The following SOX6 variants were observed in gnomAD, a reference collection of about 807,000 sequenced individuals.
The protein encoded by SOX6 is SRY-box transcription factor 6.
Under a neutral mutation model 97.8 loss-of-function variants are expected in SOX6, and 11 were observed. That is an observed-to-expected ratio of 0.11 (90% CI 0.07 to 0.19). The LOEUF (loss-of-function observed/expected upper bound fraction) is 0.19, where lower values mean the gene tolerates loss of function less well. SOX6 is among the 10% of genes least tolerant of loss of function. The probability of loss-of-function intolerance (pLI) is 1.00; values close to 1 mark genes in which losing one functional copy is unlikely to be tolerated. For missense variants in SOX6, 810 were observed against 1,039.5 expected, an observed-to-expected ratio of 0.78 and a Z score of 3.04; for synonymous variants, 360 against 371.4, an observed-to-expected ratio of 0.97 and a Z score of 0.35.
chr11:15,989,945 C>T (rs1230555231), intron 13 of SOX6, among the ~76,000 whole-genome samples: 1 of 152,078 alleles, frequency 6.6e-6, no homozygotes, highest in Non-Finnish European at 1.5e-5. Flanking sequence ...ATAGAATGGT[C>T]AGCTAGTGCT....
intron 4 of SOX6, among the ~76,000 whole-genome samples, chr11:16,201,107 C>T (rs1439567432): frequency 6.7e-6 from 1 of 148,878 alleles, no homozygotes. Context: ...CAGAGTGAGA[C>T]TCCGTCTCAA....
At chr11:16,481,678 T>C (rs1860345896) in intron 4 of SOX6, among the ~76,000 whole-genome samples, 1 of 152,132 alleles carries the variant, frequency 6.6e-6, no homozygotes, top group Non-Finnish European at 1.5e-5. Flanking sequence ...ATGGAAACCA[T>C]GTTACAATAG....
chr11:16,717,688 T>C (rs1428119298), intron 2 of SOX6, among the ~76,000 whole-genome samples: 2 of 152,156 alleles, frequency 1.3e-5, no homozygotes, highest in African/African-American at 2.4e-5. Flanking sequence ...CTCTTTCTCT[T>C]ACTTTTTGCA....
At chr11:16,738,400 G>C (rs138982129) in intron 1 of SOX6, 2 of 276,012 alleles carry the variant, frequency 7.2e-6, no homozygotes, top group Non-Finnish European at 1.4e-5. Flanking sequence ...CTCCTGTGGC[G>C]ACAAAGCTCT....
intron 1 of SOX6, among the ~76,000 whole-genome samples, chr11:16,411,865 T>C (rs1057232651): frequency 6.6e-6 from 1 of 152,184 alleles, no homozygotes; most frequent in Non-Finnish European, 1.5e-5. Context: ...GAGCTTTAAT[T>C]TGAAGCAAAT....
intron 2 of SOX6, among the ~76,000 whole-genome samples, chr11:16,327,284 A>T (rs980280285): frequency 1.3e-5 from 2 of 152,200 alleles, no homozygotes; most frequent in Non-Finnish European, 2.9e-5. Flanking sequence ...AATGCCTAGC[A>T]TATAAGTACT....
chr11:16,327,046 G>A (rs1402225738), intron 2 of SOX6, among the ~76,000 whole-genome samples: 1 of 152,140 alleles, frequency 6.6e-6, no homozygotes, highest in Admixed American at 6.5e-5. Context: ...GAGATCCAAA[G>A]GTGCATGTCC....
rs904211035 is a variant in SOX6 at position 16,285,627 on chromosome 11, T to A, written c.445+32819A>T. On this transcript the variant is annotated intron_variant, in intron 3 of 15. Coordinates refer to ENST00000683767, the MANE Select transcript of SOX6 (RefSeq NM_001367873.1). Reference sequence around the variant, plus strand: ...TTCAACATGCCAGTGACTGTCACTGTGCTTAATATGCAACAAGAGCTCAAT... The same window carrying A: ...TTCAACATGCCAGTGACTGTCACTGAGCTTAATATGCAACAAGAGCTCAAT... Among the ~76,000 whole-genome samples, 10 of 152,252 alleles carry A rather than the reference T, an allele frequency of 6.6e-5. No individual in the cohort carries two copies. The East Asian group carries it at 7.7e-4, about 12-fold the overall frequency.
intron 1 of SOX6, among the ~76,000 whole-genome samples, chr11:16,463,842 C>G (rs532974707): frequency 3.2e-4 from 48 of 152,252 alleles, no homozygotes; most frequent in African/African-American, 1.1e-3. Flanking sequence ...TGAGTTTTAT[C>G]TTTTGTGTAG....
chr11:16,112,255 C>T (rs892559152), intron 6 of SOX6, among the ~76,000 whole-genome samples: 1 of 152,124 alleles, frequency 6.6e-6, no homozygotes, highest in African/African-American at 2.4e-5. Context: ...TCCTTTCTAG[C>T]ACTGTACAAT....
At chr11:15,981,073 G>C (rs925130182) in intron 15 of SOX6, among the ~76,000 whole-genome samples, 6 of 152,094 alleles carry the variant, frequency 3.9e-5, no homozygotes, top group Admixed American at 1.3e-4. Flanking sequence ...AACAAAATAA[G>C]AAATCCAGCC....
chr11:16,614,258 T>C (rs1848440624), intron 3 of SOX6, among the ~76,000 whole-genome samples: 1 of 152,126 alleles, frequency 6.6e-6, no homozygotes, highest in Non-Finnish European at 1.5e-5. Flanking sequence ...GGCTCAGAGC[T>C]GACTCCGTAC....
At chr11:16,217,721 C>A (rs1277664169) in intron 4 of SOX6, among the ~76,000 whole-genome samples, 1 of 152,078 alleles carries the variant, frequency 6.6e-6, no homozygotes, top group Non-Finnish European at 1.5e-5. Context: ...GAGCCATGTG[C>A]ATATGTACAG....
At chr11:16,359,275 G>A (rs1857144203), upstream of SOX6, among the ~76,000 whole-genome samples, 1 of 152,014 alleles carries the variant, frequency 6.6e-6, no homozygotes, top group African/African-American at 2.4e-5. Flanking sequence ...ATTCCAAGAA[G>A]AGGAAGAACT....
chr11:16,286,705 A>G (rs921024908), intron 3 of SOX6, among the ~76,000 whole-genome samples: 5 of 152,130 alleles, frequency 3.3e-5, no homozygotes, highest in African/African-American at 9.7e-5. Context: ...CCTATTTTCT[A>G]TCTTCCAATT....
At position 15,969,172 on chromosome 11, in the gene SOX6, G is replaced by A. The variant is rs1016329945; in HGVS notation, c.*3637C>T. Reference sequence around the variant, plus strand: ...ACCCTGTAAGTTCTTTAACAAAATGGAGATAATTTTTATTTTTGATTTGAA... The same window carrying A: ...ACCCTGTAAGTTCTTTAACAAAATGAAGATAATTTTTATTTTTGATTTGAA... On this transcript the variant is annotated 3_prime_UTR_variant, in exon 16 of 16. Coordinates refer to ENST00000683767, the MANE Select transcript of SOX6 (RefSeq NM_001367873.1). 6.6e-6 allele frequency: 1 copy of A among 151,006 alleles called. No individual in the cohort carries two copies. Among genetic ancestry groups the A allele is most frequent in the African/African-American group, 2.4e-5 (1 of 40,980 alleles). 9.4% of individuals were successfully genotyped at this position (151,006 alleles called of 1,614,324 possible). A position where few individuals can be genotyped will look rare whatever the true frequency, so the allele number is the denominator to read the frequency against.
At chr11:16,017,604 G>A (rs553541377) in intron 12 of SOX6, among the ~76,000 whole-genome samples, 3 of 152,190 alleles carry the variant, frequency 2.0e-5, no homozygotes, top group Admixed American at 6.6e-5. Flanking sequence ...TACAAGTTAC[G>A]TCTGGGCAGC....
intron 3 of SOX6, among the ~76,000 whole-genome samples, chr11:16,236,537 A>G (rs1323547420): frequency 1.3e-5 from 2 of 152,012 alleles, no homozygotes; most frequent in African/African-American, 4.8e-5. Context: ...TTCATATGTT[A>G]TATCAGTGCA....
At chr11:16,227,776 C>T (rs1852727868) in intron 4 of SOX6, among the ~76,000 whole-genome samples, 1 of 152,188 alleles carries the variant, frequency 6.6e-6, no homozygotes, top group African/African-American at 2.4e-5. Context: ...AATAAAACTT[C>T]AAGTCAAATA....
Sources: allele counts gnomAD v4.1 joint callset (sites outside exome capture counted in the v4.1 genomes callset), GRCh38; gene constraint gnomAD v4.1.1; transcripts MANE v1.5; gene names NCBI Gene and HGNC (gene_info 2026-07-23, HGNC 2026-07-21).